The following PLPPR4 variants were observed in gnomAD, a reference collection of about 807,000 sequenced individuals.
PLPPR4 encodes the protein phospholipid phosphatase related 4.
Under a neutral mutation model 56.6 loss-of-function variants are expected in PLPPR4, and 24 were observed. The ratio of observed to expected loss-of-function variants is 0.42; its 90% confidence interval spans 0.31 to 0.60. The LOEUF is 0.60. Among genes scored for constraint, PLPPR4 ranks in the 20% least tolerant of loss-of-function variants. The pLI is 0.13. For synonymous variants in PLPPR4, 326 were observed against 328.1 expected (o/e 0.99, Z 0.07); for missense variants, 654 against 885.8 (o/e 0.74, Z 3.32).
At chr1:99,266,564 T>C (rs187472284) in intron 1 of PLPPR4, among the ~76,000 whole-genome samples, 12 of 152,322 alleles carry the variant, frequency 7.9e-5, no homozygotes, top group Admixed American at 5.2e-4. Flanking sequence ...TTTCCATGAG[T>C]GGAAATAGCC....
intron 4 of PLPPR4, among the ~76,000 whole-genome samples, chr1:99,300,395 A>G (rs1303989105): frequency 6.6e-6 from 1 of 152,072 alleles, no homozygotes; most frequent in Non-Finnish European, 1.5e-5. Context: ...GTAGAGAAAC[A>G]TTTTGTTAAA....
chr1:99,264,102 G>T (rs1428523560), upstream of PLPPR4: 3 of 274,042 alleles, frequency 1.1e-5, no homozygotes, highest in Non-Finnish European at 2.0e-5. Flanking sequence ...CTGATCCTTA[G>T]CATTCTTTAA....
intron 2 of PLPPR4, among the ~76,000 whole-genome samples, chr1:99,288,474 A>G (rs1659528684): frequency 6.6e-6 from 1 of 150,570 alleles, no homozygotes; most frequent in Admixed American, 6.8e-5. Flanking sequence ...AACTTACTTT[A>G]CATGTGTTTA....
intron 3 of PLPPR4, among the ~76,000 whole-genome samples, 197 bp downstream of exon 3, chr1:99,297,064 T>C (rs1389479222): frequency 2.0e-5 from 3 of 152,222 alleles, no homozygotes; most frequent in Admixed American, 2.0e-4. Flanking sequence ...TTTACAGTTG[T>C]AGCCCTTGTT....
intron 1 of PLPPR4, among the ~76,000 whole-genome samples, chr1:99,276,429 A>T (rs1230818466): frequency 6.6e-6 from 1 of 152,182 alleles, no homozygotes; most frequent in Admixed American, 6.6e-5. Context: ...ATGGTTTAAT[A>T]ATAAAATTGA....
Position 99,308,442 on chromosome 1 carries a change from A to C in PLPPR4, c.*1432A>C, listed in dbSNP as rs988032406. 6.6e-6 allele frequency: 1 copy of C among 152,576 alleles called. No homozygotes were observed. The highest frequency in any genetic ancestry group is 1.5e-5 in the Non-Finnish European group (1 of 68,054). The allele number at this position is 152,576 out of a possible 1,614,324, so 9.5% of individuals were successfully genotyped here. ...TTGATAAGAAGAAGATAAAAACAAAATATTTTGGAGTGTTTTCCAACTTAA... is the reference window on the plus strand; with the variant it reads ...TTGATAAGAAGAAGATAAAAACAAACTATTTTGGAGTGTTTTCCAACTTAA... On this transcript the variant is annotated 3_prime_UTR_variant, in exon 7 of 7. Transcript: ENST00000370185.
chr1:99,292,044 T>C (rs1011056264), intron 2 of PLPPR4, among the ~76,000 whole-genome samples: 13 of 152,150 alleles, frequency 8.5e-5, no homozygotes, highest in African/African-American at 3.1e-4. Context: ...ATTATTATAA[T>C]TGATATATTT....
At chr1:99,290,135 C>T (rs1249518836) in intron 2 of PLPPR4, among the ~76,000 whole-genome samples, 2 of 152,024 alleles carry the variant, frequency 1.3e-5, no homozygotes, top group South Asian at 4.1e-4. Flanking sequence ...ACTAGCAATC[C>T]TATACCCCAA....
rs148543191 is a variant in PLPPR4 at position 99,285,139 on chromosome 1, C to T, written c.79-2826C>T. On this transcript the variant is annotated intron_variant, in intron 1 of 6. Transcript: ENST00000370185. Reference sequence around the variant, plus strand: ...AACTATTTATTCCAGATATTGTTGACTGTGGAACTAGAATTCATGGATTCA... The same window carrying T: ...AACTATTTATTCCAGATATTGTTGATTGTGGAACTAGAATTCATGGATTCA... Among the ~76,000 whole-genome samples, 1,075 of 152,250 alleles carry T rather than the reference C, an allele frequency of 7.1e-3. 12 individuals carry two copies. The highest frequency in any genetic ancestry group is 0.01 in the Non-Finnish European group (700 of 68,006).
chr1:99,296,949 C>A, intron 3 of PLPPR4, 82 bp downstream of exon 3: 1 of 1,249,530 alleles, frequency 8.0e-7, no homozygotes. Context: ...TATTAAGTCT[C>A]GTACGCTATA....
chr1:99,285,262 G>A (rs1659436008), intron 1 of PLPPR4, among the ~76,000 whole-genome samples: 1 of 152,106 alleles, frequency 6.6e-6, no homozygotes, highest in South Asian at 2.1e-4. Context: ...AAAGTTTTAG[G>A]TTAAATGAGT....
intron 1 of PLPPR4, among the ~76,000 whole-genome samples, chr1:99,286,704 G>T (rs1161490985): frequency 2.6e-5 from 4 of 152,278 alleles, no homozygotes. Context: ...GGGCAGAAAT[G>T]AATTCGAATA....
In PLPPR4 at chr1:99,306,350, A is replaced by C; in HGVS notation, c.1488A>C (p.Ile496=). The change falls in exon 7 of 7, where the codon ATA becomes ATC. Residue 496 remains isoleucine (I), a synonymous_variant. Transcript: ENST00000370185. This position sits in a 1 kb window ranked among gnomAD's most constrained non-coding sequence, Gnocchi z 4.0. The part of the protein sequence containing the change: ...VHIPEETQEN[I]STSPKSSSAR... ...TCCCTGAGGAGACTCAGGAAAACATAAGCACCTCCCCCAAAAGCAGCTCTG... is the reference window on the plus strand; with the variant it reads ...TCCCTGAGGAGACTCAGGAAAACATCAGCACCTCCCCCAAAAGCAGCTCTG... The C allele has an allele frequency of 6.2e-7, 1 of 1,614,118 alleles. No homozygotes were observed. The highest frequency in any genetic ancestry group is 2.2e-5 in the East Asian group (1 of 44,870).
chr1:99,283,979 G>A (rs1164127572), intron 1 of PLPPR4, among the ~76,000 whole-genome samples: 2 of 152,032 alleles, frequency 1.3e-5, no homozygotes, highest in Non-Finnish European at 2.9e-5. Context: ...AACAAAAAAA[G>A]CTTGGTTCAC....
intron 6 of PLPPR4, among the ~76,000 whole-genome samples, chr1:99,303,166 G>A (rs1659928521): frequency 6.6e-6 from 1 of 152,042 alleles, no homozygotes; most frequent in South Asian, 2.1e-4. Flanking sequence ...AAAGAAAGAA[G>A]GGAGGGCATT....
chr1:99,268,545 T>C lies in PLPPR4; in HGVS notation c.78+3874T>C, dbSNP rs544832524. 6.6e-5 allele frequency among the ~76,000 whole-genome samples: 10 copies of C among 152,264 alleles called. No homozygotes were observed. In the East Asian group the frequency reaches 7.7e-4, roughly 12 times the overall value. ...TAGTTGAAGGGATAGAATTTAGGGA[T>C]AGAATTATTTTTTTCTTACATTTTT... On this transcript the variant is annotated intron_variant, in intron 1 of 6. Transcript: ENST00000370185.
Position 99,309,470 on chromosome 1 carries a change from A to G in PLPPR4, c.*2460A>G, listed in dbSNP as rs945393527. Reference sequence around the variant, plus strand: ...AAAAATGTTATGCAATGTTTTCCAAACTGATAAAGTTTGTAAAGTGCTATA... The same window carrying G: ...AAAAATGTTATGCAATGTTTTCCAAGCTGATAAAGTTTGTAAAGTGCTATA... On this transcript the variant is annotated 3_prime_UTR_variant, in exon 7 of 7. Transcript: ENST00000370185. The G allele has an allele frequency of 6.6e-6, 1 of 152,402 alleles. No homozygotes were observed. Among genetic ancestry groups the G allele is most frequent in the African/African-American group, 2.4e-5 (1 of 41,376 alleles). 9.4% of individuals were successfully genotyped at this position (152,402 alleles called of 1,614,324 possible).
intron 1 of PLPPR4, among the ~76,000 whole-genome samples, chr1:99,279,262 T>C (rs539726219): frequency 6.6e-6 from 1 of 152,294 alleles, no homozygotes; most frequent in South Asian, 2.1e-4. Context: ...TTCATCAGGA[T>C]ATCTCTGTAT....
intron 1 of PLPPR4, among the ~76,000 whole-genome samples, chr1:99,269,087 C>A (rs912738598): frequency 6.6e-6 from 1 of 152,148 alleles, no homozygotes; most frequent in Non-Finnish European, 1.5e-5. Context: ...GCCCCCCAAC[C>A]CCCACAGGCC....
Sources: gnomAD v4.1 joint callset for allele counts (sites outside exome capture counted in the v4.1 genomes callset) on GRCh38, gnomAD v4.1.1 for gene constraint, Gnocchi (gnomAD v3.1) non-coding constraint, MANE v1.5 for transcripts, NCBI Gene and HGNC (gene_info 2026-07-23, HGNC 2026-07-21) for gene names.